PRKCA: variants seen among roughly 807,000 people sequenced by gnomAD.
PRKCA encodes protein kinase C alpha type.
Under a neutral mutation model 87.0 loss-of-function variants are expected in PRKCA, and 27 were observed. That is an observed-to-expected ratio of 0.31 (90% CI 0.23 to 0.43). The LOEUF (loss-of-function observed/expected upper bound fraction) is 0.43. Among genes scored for constraint, PRKCA ranks in the 20% least tolerant of loss-of-function variants. PRKCA has a pLI of 1.00. For synonymous variants in PRKCA, 329 were observed against 311.1 expected (o/e 1.06, Z -0.61); for missense variants, 518 against 852.3 (o/e 0.61, Z 4.88).
chr17:66,679,727 C>T (rs780586186), intron 5 of PRKCA, among the ~76,000 whole-genome samples: 46 of 152,232 alleles, frequency 3.0e-4, no homozygotes, highest in Non-Finnish European at 5.1e-4. Context: ...TCCTCCATCC[C>T]CTCCTAGCTG....
chr17:66,335,712 C>A (rs1906620749), intron 2 of PRKCA, among the ~76,000 whole-genome samples: 1 of 152,024 alleles, frequency 6.6e-6, no homozygotes, highest in Non-Finnish European at 1.5e-5. Flanking sequence ...GTTTAATATT[C>A]CATTTTGTAG....
intron 3 of PRKCA, among the ~76,000 whole-genome samples, chr17:66,561,208 T>A (rs2143300703): frequency 6.6e-6 from 1 of 152,366 alleles, no homozygotes; most frequent in Middle Eastern, 3.4e-3. Flanking sequence ...CGCTTTCACA[T>A]GCTTTTTAAT....
intron 14 of PRKCA, chr17:66,775,173 T>TG: frequency 1.0e-6 from 1 of 959,674 alleles, no homozygotes; most frequent in Non-Finnish European, 1.2e-6. Context: ...CTGTGGTCAG[T>TG]GCCCACCCCC....
intron 5 of PRKCA, among the ~76,000 whole-genome samples, chr17:66,651,780 C>T (rs1468850856): frequency 6.6e-6 from 1 of 152,114 alleles, no homozygotes; most frequent in African/African-American, 2.4e-5. Flanking sequence ...AGAGTGTCCA[C>T]TGTTGGTGAT....
intron 3 of PRKCA, among the ~76,000 whole-genome samples, chr17:66,611,531 G>A (rs1171403597): frequency 2.6e-5 from 4 of 152,130 alleles, no homozygotes; most frequent in Non-Finnish European, 5.9e-5. Flanking sequence ...TTGTTTTAAT[G>A]GCCTAATAAT....
rs770194173 is a variant in PRKCA, at chr17:66,742,778, C to G, written c.1524+18C>G. 1 of 1,610,950 alleles carries G rather than the reference C, an allele frequency of 6.2e-7. No individual in the cohort carries two copies. The highest frequency in any genetic ancestry group is 1.7e-4 in the Middle Eastern group (1 of 6,038). ...CCCCAGAGGTAGGAACCCCAGTGAT[C>G]GTTTTCTCAACCAGGACTCCCAAAC... On this transcript the variant is annotated intron_variant, in intron 13 of 16. Transcript: ENST00000413366.
chr17:66,626,403 C>T (rs1270837453), intron 3 of PRKCA, among the ~76,000 whole-genome samples: 1 of 150,880 alleles, frequency 6.6e-6, no homozygotes, highest in Non-Finnish European at 1.5e-5. Context: ...ACTCTGCCAC[C>T]CAGGCTGGAG....
chr17:66,321,392 T>C (rs1905648744), intron 2 of PRKCA, among the ~76,000 whole-genome samples: 1 of 152,168 alleles, frequency 6.6e-6, no homozygotes, highest in Non-Finnish European at 1.5e-5. Context: ...CCACAGCTGA[T>C]TTGATATGTA....
At chr17:66,422,861 A>C (rs191910462) in intron 2 of PRKCA, among the ~76,000 whole-genome samples, 1 of 152,308 alleles carries the variant, frequency 6.6e-6, no homozygotes, top group East Asian at 1.9e-4. Flanking sequence ...CTGTAATCCT[A>C]GCGCTTTGGG....
At chr17:66,367,118 G>A (rs1908776100) in intron 2 of PRKCA, among the ~76,000 whole-genome samples, 1 of 152,202 alleles carries the variant, frequency 6.6e-6, no homozygotes, top group South Asian at 2.1e-4. Context: ...TTTATAACTG[G>A]CCTCAATTTG....
chr17:66,412,267 G>A (rs973684294), intron 2 of PRKCA, among the ~76,000 whole-genome samples: 1 of 152,046 alleles, frequency 6.6e-6, no homozygotes, highest in Admixed American at 6.6e-5. Flanking sequence ...ATATTGGCCA[G>A]GCTGGTTTCG....
In PRKCA at chr17:66,804,096, GA is replaced by G. The variant is rs148655182; in HGVS notation, c.*61del. 6.9e-4 allele frequency: 1,075 copies of G among 1,560,004 alleles called. 13 individuals carry two copies. The African/African-American group carries it at 0.012, about 18-fold the overall frequency. Reference sequence around the variant, plus strand: ...CCCAGCCCTCCCCGCAGTGGGAAGTGAATCCTTAACCCTAAAATTTTAAGGC... The same window carrying G: ...CCCAGCCCTCCCCGCAGTGGGAAGTGATCCTTAACCCTAAAATTTTAAGGC... On this transcript the variant is annotated 3_prime_UTR_variant, in exon 17 of 17. Coordinates refer to ENST00000413366, the MANE Select transcript of PRKCA (RefSeq NM_002737.3).
At chr17:66,308,741 A>G (rs1230096294) in intron 2 of PRKCA, among the ~76,000 whole-genome samples, 2 of 152,154 alleles carry the variant, frequency 1.3e-5, no homozygotes, top group Admixed American at 6.5e-5. Flanking sequence ...TAACTTAAGA[A>G]GGATATGTTA....
At chr17:66,706,147 A>G (rs1217715177) in intron 8 of PRKCA, among the ~76,000 whole-genome samples, 1 of 152,178 alleles carries the variant, frequency 6.6e-6, no homozygotes, top group East Asian at 1.9e-4. Flanking sequence ...TCCTGAGCCC[A>G]TTAAAGTTTG....
chr17:66,772,475 T>C (rs1179433994), intron 13 of PRKCA, among the ~76,000 whole-genome samples: 6 of 151,234 alleles, frequency 4.0e-5, no homozygotes. Context: ...TCCGAGGACA[T>C]TTAATTAGAC....
chr17:66,406,159 A>G lies in PRKCA; in HGVS notation c.206-90042A>G, dbSNP rs1911359557. Reference sequence around the variant, plus strand: ...TCCCTTGCTACAGATGTCTAGGAAGACGGGATAACAGAAATTTGCCTCTGG... The same window carrying G: ...TCCCTTGCTACAGATGTCTAGGAAGGCGGGATAACAGAAATTTGCCTCTGG... On this transcript the variant is annotated intron_variant, in intron 2 of 16. Coordinates refer to ENST00000413366, the MANE Select transcript of PRKCA (RefSeq NM_002737.3). 2.0e-5 allele frequency among the ~76,000 whole-genome samples: 3 copies of G among 152,090 alleles called. No homozygotes were observed. The South Asian group carries it at 6.2e-4, about 32-fold the overall frequency.
intron 2 of PRKCA, among the ~76,000 whole-genome samples, chr17:66,385,829 C>CTCACTGCAACT (rs1249597996): frequency 6.6e-6 from 1 of 152,228 alleles, no homozygotes; most frequent in African/African-American, 2.4e-5. Flanking sequence ...GTGATCTCAG[C>CTCACTGCAACT]TCACTGCAAC....
At chr17:66,332,226 C>T (rs1365970292) in intron 2 of PRKCA, among the ~76,000 whole-genome samples, 7 of 132,604 alleles carry the variant, frequency 5.3e-5, no homozygotes, top group African/African-American at 2.0e-4. Context: ...TCCTTCCTTC[C>T]TTCTTTTTTT....
At chr17:66,665,556 GCACT>G (rs1972021248) in intron 5 of PRKCA, among the ~76,000 whole-genome samples, 1 of 152,110 alleles carries the variant, frequency 6.6e-6, no homozygotes, top group Non-Finnish European at 1.5e-5. Context: ...GACCTGCTAA[GCACT>G]CACTCCTCCA....
Sources: allele counts gnomAD v4.1 joint callset (sites outside exome capture counted in the v4.1 genomes callset), GRCh38; gene constraint gnomAD v4.1.1; transcripts MANE v1.5; gene names NCBI Gene and HGNC (gene_info 2026-07-23, HGNC 2026-07-21).